NUP210: variants seen among roughly 807,000 people sequenced by gnomAD.
The protein encoded by NUP210 is nuclear pore membrane glycoprotein 210.
A neutral mutation model predicts 196.0 loss-of-function variants in NUP210; 151 were observed. That is an observed-to-expected ratio of 0.77 (90% CI 0.67 to 0.88). The LOEUF (loss-of-function observed/expected upper bound fraction) is 0.88, where lower values mean the gene tolerates loss of function less well. Among genes scored for constraint, NUP210 ranks in the 40% least tolerant of loss-of-function variants. The pLI is 0.00. For missense variants in NUP210, 2,314 were observed against 2,493.7 expected (o/e 0.93, Z 1.53); for synonymous variants, 1,070 against 1,052.7 (o/e 1.02, Z -0.32).
At chr3:13,335,432 G>A (rs1190866083) in intron 28 of NUP210, 22 bp downstream of exon 28, 1 of 1,607,064 alleles carries the variant, frequency 6.2e-7, no homozygotes, top group Non-Finnish European at 8.5e-7. Context: ...CCTTCCCTGT[G>A]GCCTTTCCAC....
chr3:13,388,673 T>C (rs1483312679), intron 4 of NUP210, among the ~76,000 whole-genome samples: 1 of 152,228 alleles, frequency 6.6e-6, no homozygotes, highest in Non-Finnish European at 1.5e-5. Context: ...ACTTGGCCCC[T>C]GGCCCAGGCT....
chr3:13,420,244 T>TCCCGCGACCCTGCGCCCGGCCG lies in NUP210; in HGVS notation c.-40_-19dup. 9.3e-7 allele frequency: 1 copy of TCCCGCGACCCTGCGCCCGGCCG among 1,079,932 alleles called. No homozygotes were observed. Among genetic ancestry groups the TCCCGCGACCCTGCGCCCGGCCG allele is most frequent in the African/African-American group, 1.7e-5 (1 of 58,468 alleles). The allele number at this position is 1,079,932 out of a possible 1,614,324, so 66.9% of individuals were successfully genotyped here. A position where few individuals can be genotyped will look rare whatever the true frequency, so the allele number is the denominator to read the frequency against. On this transcript the variant is annotated 5_prime_UTR_variant, in exon 1 of 40. Transcript: ENST00000254508. This position sits in a 1 kb window ranked among gnomAD's most constrained non-coding sequence, Gnocchi z 4.8. ...GCCGCCATCCTCGCCGCGCGTCACC[T>TCCCGCGACCCTGCGCCCGGCCG]CCCGCGACCCTGCGCCCGGCCGCCC...
At position 13,321,688 on chromosome 3, in the gene NUP210, C is replaced by T; in HGVS notation, c.5063G>A (p.Ser1688Asn). 6.2e-7 allele frequency: 1 copy of T among 1,614,130 alleles called. No individual in the cohort carries two copies. Among genetic ancestry groups the T allele is most frequent in the Non-Finnish European group, 8.5e-7 (1 of 1,180,032 alleles). The change falls in exon 36 of 40, where the codon AGC becomes AAC. Residue 1688 changes from serine (S) to asparagine (N), a missense_variant. Physicochemically the swap from Ser to Asn is conservative, Grantham distance 46 (BLOSUM62 1). Transcript: ENST00000254508. ...AGCCTGGTCGGCGAAGAGACCTGGG[C>T]TGAAGGGCACCTCGGCCCCCACCTG... ...TEQVGAEVPF[S>N]PGLFADQAEI...
At chr3:13,389,573 C>G (rs1164281081) in intron 4 of NUP210, among the ~76,000 whole-genome samples, 1 of 152,136 alleles carries the variant, frequency 6.6e-6, no homozygotes, top group Non-Finnish European at 1.5e-5. Flanking sequence ...TACAAAACAC[C>G]AGAACCCACA....
At chr3:13,380,666 G>T (rs1227961859) in intron 6 of NUP210, among the ~76,000 whole-genome samples, 2 of 152,164 alleles carry the variant, frequency 1.3e-5, no homozygotes, top group Non-Finnish European at 2.9e-5. Flanking sequence ...GAGAGAAGAG[G>T]ACACAGGAAA....
At chr3:13,388,201 A>G in intron 5 of NUP210, 102 bp downstream of exon 5, 1 of 818,316 alleles carries the variant, frequency 1.2e-6, no homozygotes, top group Non-Finnish European at 1.9e-6. Context: ...TCTCACTTCC[A>G]CTATTCAACG....
At chr3:13,367,161 G>T (rs1698567114) in intron 13 of NUP210, among the ~76,000 whole-genome samples, 1 of 151,412 alleles carries the variant, frequency 6.6e-6, no homozygotes, top group African/African-American at 2.4e-5. Context: ...TCACGGCCGG[G>T]CATGGTGGCT....
chr3:13,373,547 C>T (rs1036337385), intron 12 of NUP210, among the ~76,000 whole-genome samples, 171 bp downstream of exon 12: 2 of 152,216 alleles, frequency 1.3e-5, no homozygotes, highest in Non-Finnish European at 2.9e-5. Context: ...ACATCCTGTC[C>T]ATCTTCCTGA....
intron 1 of NUP210, among the ~76,000 whole-genome samples, chr3:13,411,833 C>T (rs1467837741): frequency 1.3e-5 from 2 of 152,226 alleles, no homozygotes; most frequent in Non-Finnish European, 2.9e-5. Context: ...CTCCGCCTCC[C>T]GGGTTCAAGC....
intron 20 of NUP210, among the ~76,000 whole-genome samples, chr3:13,351,180 C>T (rs1472557337): frequency 2.6e-5 from 4 of 152,202 alleles, no homozygotes; most frequent in African/African-American, 9.7e-5. Context: ...ACATTAAATT[C>T]TTCCATGCCA....
intron 14 of NUP210, among the ~76,000 whole-genome samples, chr3:13,363,993 C>T (rs1246081986): frequency 2.0e-5 from 3 of 152,118 alleles, no homozygotes; most frequent in Non-Finnish European, 2.9e-5. Flanking sequence ...CTGCTGTGCT[C>T]GGGGATTTCA....
chr3:13,332,211 C>T, intron 29 of NUP210, 82 bp downstream of exon 29: 1 of 1,132,296 alleles, frequency 8.8e-7, no homozygotes, highest in Non-Finnish European at 1.3e-6. Flanking sequence ...GTACCCATGG[C>T]TCCTGACAGT....
chr3:13,328,790 G>A lies in NUP210; in HGVS notation c.4267C>T (p.Leu1423Phe). The A allele has an allele frequency of 1.9e-6, 3 of 1,614,128 alleles. No homozygotes were observed. Among genetic ancestry groups the A allele is most frequent in the Non-Finnish European group, 2.5e-6 (3 of 1,179,978 alleles). Residue 1423 changes from leucine (L) to phenylalanine (F), a missense_variant, in exon 31 of 40, where the codon CTC (leucine) becomes TTC (phenylalanine). Physicochemically the swap from Leu to Phe is conservative, Grantham distance 22. Transcript: ENST00000254508. ...GDVFHAHSSV[L>F]NFATNRDDFV... The stretch of plus-strand genomic sequence containing the variant: ...TCCTACCTGTTAGTGGCAAAGTTGA[G>A]GACCGAACTGTGAGCATGGAAGACA...
intron 14 of NUP210, among the ~76,000 whole-genome samples, chr3:13,364,684 C>T (rs527464004): frequency 2.7e-4 from 41 of 152,082 alleles, no homozygotes; most frequent in Admixed American, 1.2e-3. Flanking sequence ...CAAAATTAGC[C>T]GGGGATGGTG....
rs561017619 is a variant in NUP210, at chr3:13,390,656, G to A, written c.533+555C>T. On this transcript the variant is annotated intron_variant, in intron 4 of 39. Coordinates refer to ENST00000254508, the MANE Select transcript of NUP210 (RefSeq NM_024923.4). ...CTGTCCTCCCGGAGCTCAGACAAGC[G>A]GCTCGGCCTCTCCAAGTCTCAGCCT... 9.8e-5 allele frequency among the ~76,000 whole-genome samples: 15 copies of A among 152,326 alleles called. No individual in the cohort carries two copies. In the East Asian group the frequency reaches 2.7e-3, roughly 27 times the overall value.
At chr3:13,367,264 C>G (rs949937281) in intron 13 of NUP210, among the ~76,000 whole-genome samples, 1 of 151,924 alleles carries the variant, frequency 6.6e-6, no homozygotes, top group South Asian at 2.1e-4. Context: ...TGGAGAAATC[C>G]CGTCTCTATT....
At chr3:13,369,598 T>C (rs1208910374) in intron 13 of NUP210, among the ~76,000 whole-genome samples, 1 of 152,222 alleles carries the variant, frequency 6.6e-6, no homozygotes, top group Non-Finnish European at 1.5e-5. Context: ...GTGTTTGGAG[T>C]TATGGAAGGG....
chr3:13,410,540 C>T (rs1700135675), intron 1 of NUP210, among the ~76,000 whole-genome samples: 1 of 149,484 alleles, frequency 6.7e-6, no homozygotes, highest in Admixed American at 6.7e-5. Context: ...AACCCTAACA[C>T]TTTGGGAGGC....
At position 13,379,071 on chromosome 3, in the gene NUP210, G is replaced by T; in HGVS notation, c.977-91C>A. Reference sequence around the variant, plus strand: ...CTTGGCTCAGAATCCTGATCATCAAGACATCACATGGAGAGAAGAAGAGGG... The same window carrying T: ...CTTGGCTCAGAATCCTGATCATCAATACATCACATGGAGAGAAGAAGAGGG... On this transcript the variant is annotated intron_variant, in intron 7 of 39. Coordinates refer to ENST00000254508, the MANE Select transcript of NUP210 (RefSeq NM_024923.4). This position sits in a 1 kb window ranked among gnomAD's most constrained non-coding sequence, Gnocchi z 4.2. The T allele has an allele frequency of 1.9e-6, 2 of 1,051,016 alleles. No individual in the cohort carries two copies. Among genetic ancestry groups the T allele is most frequent in the Non-Finnish European group, 3.0e-6 (2 of 669,418 alleles). The allele number at this position is 1,051,016 out of a possible 1,614,324, so 65.1% of individuals were successfully genotyped here. A position where few individuals can be genotyped will look rare whatever the true frequency, so the allele number is the denominator to read the frequency against.
Sources: allele counts gnomAD v4.1 joint callset (sites outside exome capture counted in the v4.1 genomes callset), GRCh38; gene constraint gnomAD v4.1.1; non-coding constraint Gnocchi (gnomAD v3.1); transcripts MANE v1.5; gene names NCBI Gene and HGNC (gene_info 2026-07-23, HGNC 2026-07-21).